Variants in UBXN2B observed in about 807,000 individuals in gnomAD.
The protein encoded by UBXN2B is UBX domain protein 2B.
A neutral mutation model predicts 37.5 loss-of-function variants in UBXN2B; 19 were observed. The observed-to-expected ratio is 0.51, with a 90% CI of 0.35 to 0.74. The LOEUF is 0.74. Ranked by LOEUF, UBXN2B falls within the 30% of genes least tolerant of loss-of-function variation. The pLI is 0.01. For synonymous variants in UBXN2B, 145 were observed against 143.8 expected (o/e 1.01, Z -0.06); for missense variants, 370 against 393.2 (o/e 0.94, Z 0.50).
At chr8:58,431,840 A>G (rs1383364293) in intron 3 of UBXN2B, among the ~76,000 whole-genome samples, 3 of 152,204 alleles carry the variant, frequency 2.0e-5, no homozygotes, top group Non-Finnish European at 4.4e-5. Flanking sequence ...CTTAATAGCT[A>G]GTGATGAACA....
At chr8:58,446,134 A>C in intron 7 of UBXN2B, 66 bp downstream of exon 7, 1 of 1,415,612 alleles carries the variant, frequency 7.1e-7, no homozygotes, top group Non-Finnish European at 9.4e-7. Context: ...TCTAAGTAGA[A>C]CTGTATGTGA....
chr8:58,430,698 T>A, intron 3 of UBXN2B, 29 bp downstream of exon 3: 1 of 1,388,772 alleles, frequency 7.2e-7, no homozygotes, highest in Non-Finnish European at 9.4e-7. Flanking sequence ...ACTAAATACA[T>A]TGTTTCTATA....
Position 58,425,185 on chromosome 8 carries a change from T to C in UBXN2B, c.189-5334T>C, listed in dbSNP as rs990580718. On this transcript the variant is annotated intron_variant, in intron 2 of 7. Coordinates refer to ENST00000399598, the MANE Select transcript of UBXN2B (RefSeq NM_001077619.2). ...TGAAAGTTTAAGTTCTCTTAGCATA[T>C]AGTTGTGAGCGGTGCTTTCTCTGAT... The C allele has an allele frequency of 3.5e-5, 32 of 906,454 alleles. No homozygotes were observed. The African/African-American group carries it at 5.2e-4, about 15-fold the overall frequency. The allele number at this position is 906,454 out of a possible 1,614,324, so 56.2% of individuals were successfully genotyped here.
At chr8:58,425,925 C>G in intron 2 of UBXN2B, 1 of 1,321,588 alleles carries the variant, frequency 7.6e-7, no homozygotes, top group Non-Finnish European at 1.1e-6. Flanking sequence ...ACAGAGAGAA[C>G]AAAATCTCCA....
At position 58,429,522 on chromosome 8, in the gene UBXN2B, AG is replaced by A. The variant is rs1808192703; in HGVS notation, c.189-994del. Among the ~76,000 whole-genome samples, 10 of 152,276 alleles carry A rather than the reference AG, an allele frequency of 6.6e-5. No individual in the cohort carries two copies. The South Asian group carries it at 2.1e-3, about 32-fold the overall frequency. ...CCTTCTGCAGTTTGTGGGGTTTAGTAGGGTTCTCCTGGTGTCTCCTTGTTCT... is the reference window on the plus strand; with the variant it reads ...CCTTCTGCAGTTTGTGGGGTTTAGTAGGTTCTCCTGGTGTCTCCTTGTTCT... On this transcript the variant is annotated intron_variant, in intron 2 of 7. Coordinates refer to ENST00000399598, the MANE Select transcript of UBXN2B (RefSeq NM_001077619.2).
intron 5 of UBXN2B, among the ~76,000 whole-genome samples, chr8:58,437,318 CTTTTTTTTTT>C (rs773987509): frequency 3.6e-4 from 27 of 74,264 alleles, no homozygotes; most frequent in South Asian, 9.6e-4. Context: ...GAAGAAATTT[CTTTTTTTTTT>C]TTTTTTTTTT....
At chr8:58,433,324 A>G (rs1311340799) in intron 4 of UBXN2B, 81 bp downstream of exon 4, 22 of 1,129,862 alleles carry the variant, frequency 1.9e-5, no homozygotes, top group Middle Eastern at 2.8e-4. Flanking sequence ...TTAAGAATTG[A>G]TAATACAAAT....
At chr8:58,447,171 T>C (rs1808700947) in intron 7 of UBXN2B, among the ~76,000 whole-genome samples, 1 of 152,152 alleles carries the variant, frequency 6.6e-6, no homozygotes, top group Non-Finnish European at 1.5e-5. Context: ...TTGTTTCCAT[T>C]TTACAGGAAA....
chr8:58,425,181 C>T, intron 2 of UBXN2B: 2 of 896,586 alleles, frequency 2.2e-6, no homozygotes, highest in Non-Finnish European at 1.9e-6. Context: ...GTTCTCTTAG[C>T]ATATAGTTGT....
intron 1 of UBXN2B, chr8:58,413,327 A>G (rs572361683): frequency 1.3e-5 from 2 of 152,350 alleles, no homozygotes; most frequent in African/African-American, 2.4e-5. Context: ...AGAACTTGCA[A>G]AGAAACTTGA....
chr8:58,443,156 T>C (rs1808590716), intron 6 of UBXN2B, among the ~76,000 whole-genome samples: 1 of 152,114 alleles, frequency 6.6e-6, no homozygotes, highest in Non-Finnish European at 1.5e-5. Context: ...TGCCCCTCAC[T>C]CTCAGCAAAT....
At chr8:58,433,093 A>T (rs1202410489) in intron 3 of UBXN2B, 67 bp from the exon 4 acceptor site, 5 of 1,282,922 alleles carry the variant, frequency 3.9e-6, no homozygotes, top group Non-Finnish European at 4.5e-6. Context: ...TTTAAAATAC[A>T]TATCACATAA....
rs1031429832 is a variant in UBXN2B, at chr8:58,411,537, G to A, written c.84+68G>A. ...GGCTGGTGACGGCGCGGGCTGGTGC[G>A]AGTTGGAGGCCACCTCTGGCCTCGG... On this transcript the variant is annotated intron_variant, in intron 1 of 7. Transcript: ENST00000399598. The A allele has an allele frequency of 2.1e-5, 25 of 1,190,032 alleles. No homozygotes were observed. The Middle Eastern group carries it at 1.3e-3, about 61-fold the overall frequency. 73.7% of individuals were successfully genotyped at this position (1,190,032 alleles called of 1,614,324 possible). A position where few individuals can be genotyped will look rare whatever the true frequency, so the allele number is the denominator to read the frequency against.
chr8:58,450,519 C>G lies in UBXN2B; in HGVS notation c.*2968C>G, dbSNP rs1446645938. On this transcript the variant is annotated 3_prime_UTR_variant, in exon 8 of 8. Coordinates refer to ENST00000399598, the MANE Select transcript of UBXN2B (RefSeq NM_001077619.2). The stretch of plus-strand genomic sequence containing the variant: ...GATATTCTATGGCAATCGAGGTATT[C>G]TCTATTATGCTCCTTTCTTCAAGGC... 3 of 152,174 alleles carry G rather than the reference C, an allele frequency of 2.0e-5. No homozygotes were observed. Among genetic ancestry groups the G allele is most frequent in the African/African-American group, 7.2e-5 (3 of 41,430 alleles). 9.4% of individuals were successfully genotyped at this position (152,174 alleles called of 1,614,324 possible).
chr8:58,440,607 A>G (rs537034946), intron 6 of UBXN2B, among the ~76,000 whole-genome samples: 2 of 152,166 alleles, frequency 1.3e-5, no homozygotes, highest in African/African-American at 2.4e-5. Flanking sequence ...GTTACCCTCT[A>G]CTCGTCCACA....
At chr8:58,418,294 A>G (rs1448460368) in intron 2 of UBXN2B, among the ~76,000 whole-genome samples, 2 of 151,804 alleles carry the variant, frequency 1.3e-5, no homozygotes, top group Non-Finnish European at 2.9e-5. Flanking sequence ...ATGCCATTTA[A>G]TATATAGTTA....
intron 2 of UBXN2B, chr8:58,424,560 T>A (rs888562263): frequency 1.0e-6 from 1 of 992,754 alleles, no homozygotes; most frequent in African/African-American, 1.6e-5. Context: ...CCACATCTAT[T>A]TTTGTGCTGA....
intron 2 of UBXN2B, chr8:58,426,511 T>C (rs1465285258): frequency 5.5e-6 from 4 of 726,394 alleles, no homozygotes; most frequent in Admixed American, 1.7e-5. Context: ...ACCGGCCCAG[T>C]GTTCTGAATC....
chr8:58,442,340 A>G (rs1808569637), intron 6 of UBXN2B, among the ~76,000 whole-genome samples: 1 of 152,236 alleles, frequency 6.6e-6, no homozygotes, highest in African/African-American at 2.4e-5. Flanking sequence ...ATTTTATATT[A>G]AAGATTTACA....
Sources: allele counts gnomAD v4.1 joint callset (sites outside exome capture counted in the v4.1 genomes callset), GRCh38; gene constraint gnomAD v4.1.1; transcripts MANE v1.5; gene names NCBI Gene and HGNC (gene_info 2026-07-23, HGNC 2026-07-21).